LUZP2: variants seen among roughly 807,000 people sequenced by gnomAD.
The protein encoded by LUZP2 is leucine zipper protein 2.
In LUZP2, 52 loss-of-function variants were observed where a neutral mutation model predicts 51.6. The observed-to-expected ratio is 1.01, with a 90% CI of 0.81 to 1.27. The LOEUF is 1.27. LUZP2 is among the 50% of genes most tolerant of loss of function. The probability of loss-of-function intolerance (pLI) is 0.00; values close to 1 mark genes in which losing one functional copy is unlikely to be tolerated. For synonymous variants in LUZP2, 154 were observed against 137.3 expected, an observed-to-expected ratio of 1.12 and a Z score of -0.85; for missense variants, 436 against 395.4, an observed-to-expected ratio of 1.10 and a Z score of -0.87.
chr11:24,972,520 A>G lies in LUZP2; in HGVS notation c.523-4071A>G, dbSNP rs551193344. Among the ~76,000 whole-genome samples the G allele has an allele frequency of 1.1e-4, 17 of 152,218 alleles. No individual in the cohort carries two copies. In the South Asian group the frequency reaches 2.9e-3, roughly 26 times the overall value. On this transcript the variant is annotated intron_variant, in intron 7 of 11. Transcript: ENST00000336930. Reference sequence around the variant, plus strand: ...GTACTCCAATTTCAATGTGAACTCCAGTGTTCATCTCCTACCATATTTGTT... The same window carrying G: ...GTACTCCAATTTCAATGTGAACTCCGGTGTTCATCTCCTACCATATTTGTT...
At chr11:24,838,951 C>G (rs1465108206) in intron 5 of LUZP2, among the ~76,000 whole-genome samples, 1 of 151,596 alleles carries the variant, frequency 6.6e-6, no homozygotes, top group Non-Finnish European at 1.5e-5. Flanking sequence ...CTTTCACAAC[C>G]TTATCACCGT....
chr11:24,729,317 A>C, intron 2 of LUZP2, 31 bp downstream of exon 2: 1 of 1,183,736 alleles, frequency 8.4e-7, no homozygotes, highest in Non-Finnish European at 1.2e-6. Context: ...CCGAGCAGTA[A>C]AAGAGGAGCA....
chr11:24,894,756 A>G (rs917881965), intron 5 of LUZP2, among the ~76,000 whole-genome samples: 5 of 152,198 alleles, frequency 3.3e-5, no homozygotes, highest in Admixed American at 6.6e-5. Flanking sequence ...AGCTTTCTAA[A>G]GAATGAATCT....
At chr11:24,714,384 T>C (rs1274194102) in intron 1 of LUZP2, among the ~76,000 whole-genome samples, 1 of 152,192 alleles carries the variant, frequency 6.6e-6, no homozygotes, top group Admixed American at 6.5e-5. Context: ...TGAGTTGCAT[T>C]GCCTCCTCAT....
chr11:24,734,786 A>AT (rs765380837), intron 3 of LUZP2, among the ~76,000 whole-genome samples: 2 of 151,908 alleles, frequency 1.3e-5, no homozygotes, highest in Non-Finnish European at 2.9e-5. Context: ...AAAAATACTG[A>AT]TTTATTGCAA....
At chr11:24,818,263 G>T (rs997590111) in intron 5 of LUZP2, among the ~76,000 whole-genome samples, 2 of 152,022 alleles carry the variant, frequency 1.3e-5, no homozygotes, top group African/African-American at 4.8e-5. Context: ...AACAAACGTG[G>T]TTTCCTCTGT....
intron 5 of LUZP2, among the ~76,000 whole-genome samples, chr11:24,806,788 G>C (rs1407439811): frequency 6.6e-6 from 1 of 151,834 alleles, no homozygotes; most frequent in East Asian, 1.9e-4. Context: ...GTTTACCTCA[G>C]ACAATCTTTG....
chr11:24,791,434 G>A (rs1849405605), intron 5 of LUZP2, among the ~76,000 whole-genome samples: 1 of 152,044 alleles, frequency 6.6e-6, no homozygotes, highest in Admixed American at 6.6e-5. Flanking sequence ...GAGTGGAGTG[G>A]ATTTAGTACA....
At chr11:24,529,835 G>A (rs188138576) in intron 1 of LUZP2, among the ~76,000 whole-genome samples, 1 of 150,628 alleles carries the variant, frequency 6.6e-6, no homozygotes, top group East Asian at 2.0e-4. Flanking sequence ...TTAAAATTTT[G>A]GAAATTTTAT....
chr11:24,534,931 T>C (rs1291611780), intron 1 of LUZP2, among the ~76,000 whole-genome samples: 1 of 151,394 alleles, frequency 6.6e-6, no homozygotes, highest in African/African-American at 2.4e-5. Context: ...TTTTCCACCA[T>C]AAACATAGAG....
chr11:24,771,997 A>G (rs1474439039), intron 5 of LUZP2, among the ~76,000 whole-genome samples: 1 of 152,172 alleles, frequency 6.6e-6, no homozygotes, highest in African/African-American at 2.4e-5. Flanking sequence ...TATTAGCAGC[A>G]TGAGAAGAGG....
At chr11:25,033,202 T>C (rs1857746232) in intron 9 of LUZP2, among the ~76,000 whole-genome samples, 1 of 152,118 alleles carries the variant, frequency 6.6e-6, no homozygotes, top group Non-Finnish European at 1.5e-5. Flanking sequence ...TAAGAAGAAC[T>C]TTAGCAGAAT....
chr11:24,654,408 T>TTTTG (rs893053005), intron 1 of LUZP2, among the ~76,000 whole-genome samples: 9 of 152,048 alleles, frequency 5.9e-5, no homozygotes, highest in Non-Finnish European at 2.9e-5. Flanking sequence ...TTTTCTTTTG[T>TTTTG]TTTGTTTGTT....
chr11:24,952,358 G>T (rs1855102056), intron 7 of LUZP2, among the ~76,000 whole-genome samples: 1 of 151,648 alleles, frequency 6.6e-6, no homozygotes. Flanking sequence ...GTAAACAAAA[G>T]TTCCCTACTT....
At chr11:24,625,728 T>C (rs1206851533) in intron 1 of LUZP2, among the ~76,000 whole-genome samples, 1 of 151,928 alleles carries the variant, frequency 6.6e-6, no homozygotes, top group African/African-American at 2.4e-5. Flanking sequence ...ATCAAAGTTT[T>C]CCAACTCCAG....
At chr11:24,902,723 A>G (rs1029482608) in intron 5 of LUZP2, among the ~76,000 whole-genome samples, 2 of 152,182 alleles carry the variant, frequency 1.3e-5, no homozygotes, top group African/African-American at 4.8e-5. Context: ...TTTGTTGTGT[A>G]TATTAATTAT....
Position 24,974,970 on chromosome 11 carries a change from C to T in LUZP2, c.523-1621C>T, listed in dbSNP as rs552606159. On this transcript the variant is annotated intron_variant, in intron 7 of 11. Transcript: ENST00000336930. ...TGTGAGTTGCCTGGGGGTCAGTGAT[C>T]TTGGCTGGGCTGAAGTATGACTCTA... is the stretch of plus-strand genomic sequence containing the variant. Among the ~76,000 whole-genome samples the T allele has an allele frequency of 8.2e-4, 124 of 152,084 alleles. 3 individuals are homozygous for T. The South Asian group carries it at 0.025, about 31-fold the overall frequency.
At chr11:24,712,308 A>G (rs143384629) in intron 1 of LUZP2, among the ~76,000 whole-genome samples, 257 of 152,142 alleles carry the variant, frequency 1.7e-3, no homozygotes, top group African/African-American at 6.1e-3. Flanking sequence ...AGCTACTCAC[A>G]TACTCAGTAG....
intron 1 of LUZP2, among the ~76,000 whole-genome samples, chr11:24,566,394 A>G (rs903247486): frequency 7.0e-6 from 1 of 143,618 alleles, no homozygotes; most frequent in Non-Finnish European, 1.5e-5. Context: ...CAGTGGCGTG[A>G]TACGGCTTAC....
Sources: gnomAD v4.1 joint callset for allele counts (sites outside exome capture counted in the v4.1 genomes callset) on GRCh38, gnomAD v4.1.1 for gene constraint, MANE v1.5 for transcripts, NCBI Gene and HGNC (gene_info 2026-07-23, HGNC 2026-07-21) for gene names.